Variants in PALS1 observed in about 807,000 individuals in gnomAD.
PALS1 encodes the protein protein associated with LIN7 1, MAGUK p55 family member.
A neutral mutation model predicts 78.9 loss-of-function variants in PALS1; 31 were observed. That is an observed-to-expected ratio of 0.39 (90% CI 0.30 to 0.53). The LOEUF is 0.53. PALS1 is among the 20% of genes least tolerant of loss of function. The probability of loss-of-function intolerance (pLI) is 0.67; values close to 1 mark genes in which losing one functional copy is unlikely to be tolerated. For synonymous variants in PALS1, 276 were observed against 270.9 expected (o/e 1.02, Z -0.18); for missense variants, 704 against 826.5 (o/e 0.85, Z 1.82).
intron 14 of PALS1, among the ~76,000 whole-genome samples, chr14:67,328,714 G>C (rs1350623296): frequency 2.0e-5 from 3 of 152,146 alleles, no homozygotes; most frequent in African/African-American, 7.2e-5. Context: ...AGTTTTCCCA[G>C]CACCATTTAT....
At chr14:67,287,839 A>C (rs570984019) in intron 3 of PALS1, among the ~76,000 whole-genome samples, 1 of 152,362 alleles carries the variant, frequency 6.6e-6, no homozygotes, top group Non-Finnish European at 1.5e-5. Flanking sequence ...GAAAGGTAGA[A>C]GTACAGGTAA....
intron 1 of PALS1, among the ~76,000 whole-genome samples, chr14:67,266,193 T>C (rs1413830235): frequency 6.6e-6 from 1 of 152,176 alleles, no homozygotes; most frequent in Non-Finnish European, 1.5e-5. Flanking sequence ...AATATATATT[T>C]ATTTAAAAGT....
chr14:67,302,031 A>T lies in PALS1; in HGVS notation c.714A>T (p.Thr238=). The change falls in exon 6 of 15, where the codon ACA becomes ACT. Residue 238 remains threonine (T), a synonymous_variant. Coordinates refer to ENST00000261681, the MANE Select transcript of PALS1 (RefSeq NM_022474.4). Reference sequence around the variant, plus strand: ...AGGAAATGCAGCTAGAGCCCATTACAGATGAGAGAGTTTATGAAAGTATTG... The same window carrying T: ...AGGAAATGCAGCTAGAGCCCATTACTGATGAGAGAGTTTATGAAAGTATTG... ...AEQEMQLEPI[T]DERVYESIGQ... 6.2e-7 allele frequency: 1 copy of T among 1,611,662 alleles called. No homozygotes were observed. Among genetic ancestry groups the T allele is most frequent in the Non-Finnish European group, 8.5e-7 (1 of 1,178,846 alleles).
intron 1 of PALS1, among the ~76,000 whole-genome samples, chr14:67,266,878 G>A (rs1265112490): frequency 6.6e-6 from 1 of 152,038 alleles, no homozygotes; most frequent in East Asian, 2.0e-4. Flanking sequence ...GGGAGGCCGA[G>A]GTGGACAGAT....
chr14:67,279,675 G>A (rs748034413), intron 3 of PALS1, 138 bp downstream of exon 3: 5 of 804,808 alleles, frequency 6.2e-6, no homozygotes, highest in South Asian at 2.9e-5. Context: ...CTTTGTTTTC[G>A]TGGAAACGCC....
At position 67,334,317 on chromosome 14, in the gene PALS1, A is replaced by AACTT. The variant is rs1649164019; in HGVS notation, c.*1363_*1366dup. 1 of 152,622 alleles carries AACTT rather than the reference A, an allele frequency of 6.6e-6. No individual in the cohort carries two copies. Among genetic ancestry groups the AACTT allele is most frequent in the African/African-American group, 2.4e-5 (1 of 41,446 alleles). 9.5% of individuals were successfully genotyped at this position (152,622 alleles called of 1,614,324 possible). A position where few individuals can be genotyped will look rare whatever the true frequency, so the allele number is the denominator to read the frequency against. On this transcript the variant is annotated 3_prime_UTR_variant, in exon 15 of 15. Coordinates refer to ENST00000261681, the MANE Select transcript of PALS1 (RefSeq NM_022474.4). ...ATTCAACGTATATAATTGGCATGGA[A>AACTT]ACTTAATTTGCAGTCTTTTCAAGCC...
rs775835465 is a variant in PALS1, at chr14:67,312,527, A to G, written c.1042A>G (p.Ile348Val). Residue 348 changes from isoleucine to valine, a missense_variant and splice_region_variant, in exon 9 of 15, where the codon ATC (isoleucine) becomes GTC (valine). Physicochemically the swap from Ile to Val is conservative, Grantham distance 29 (BLOSUM62 3). Coordinates refer to ENST00000261681, the MANE Select transcript of PALS1 (RefSeq NM_022474.4). ...TGTTTTTGCCCTTTTTATCTTTTAG[A>G]TCCATGTAAAAGCTCATTTTGACTA... ...IKPPPAKETV[I>V]HVKAHFDYDP... 6.4e-6 allele frequency: 10 copies of G among 1,566,106 alleles called. No homozygotes were observed. The Admixed American group carries it at 1.6e-4, about 25-fold the overall frequency.
Position 67,314,520 on chromosome 14 carries a change from C to T in PALS1, c.1225+1810C>T, listed in dbSNP as rs145245191. On this transcript the variant is annotated intron_variant, in intron 9 of 14. Coordinates refer to ENST00000261681, the MANE Select transcript of PALS1 (RefSeq NM_022474.4). ...GAGTATGATGCTAAAACCCGTGATT[C>T]TTCAGAGTAACAGTTACAGGACATT... Among the ~76,000 whole-genome samples the T allele has an allele frequency of 1.1e-3, 170 of 152,274 alleles. 1 individual carries two copies. The highest frequency in any genetic ancestry group is 3.7e-3 in the African/African-American group (155 of 41,566).
rs1491090879 is a variant in PALS1, at chr14:67,289,768, C to CTT, written c.368-2743_368-2742insTT. Among the ~76,000 whole-genome samples the CTT allele has an allele frequency of 8.6e-3, 825 of 95,376 alleles. 50 individuals are homozygous for CTT. Among genetic ancestry groups the CTT allele is most frequent in the Non-Finnish European group, 0.011 (502 of 46,790 alleles). 62.6% of individuals were successfully genotyped at this position (95,376 alleles called of 152,430 possible). On this transcript the variant is annotated intron_variant, in intron 3 of 14. Transcript: ENST00000261681. Reference sequence around the variant, plus strand: ...ACATTGGGAAGATTTTTTTCCATGTCCTTTTTTTTTTTTTTTTTTTTTGAG... The same window carrying CTT: ...ACATTGGGAAGATTTTTTTCCATGTCTTCTTTTTTTTTTTTTTTTTTTTTGAG...
intron 4 of PALS1, among the ~76,000 whole-genome samples, chr14:67,299,671 A>G (rs1293890035): frequency 6.6e-6 from 1 of 152,202 alleles, no homozygotes; most frequent in African/African-American, 2.4e-5. Flanking sequence ...AGCTGATGAT[A>G]TGTGTTGACA....
chr14:67,243,174 T>C (rs1199140969), intron 1 of PALS1, among the ~76,000 whole-genome samples: 1 of 152,112 alleles, frequency 6.6e-6, no homozygotes, highest in African/African-American at 2.4e-5. Flanking sequence ...TGTGCTTATA[T>C]AGAATATAAT....
chr14:67,332,785 A>G lies in PALS1; in HGVS notation c.1857A>G (p.Glu619=), dbSNP rs776636909. 1 of 1,608,144 alleles carries G rather than the reference A, an allele frequency of 6.2e-7. No homozygotes were observed. Among genetic ancestry groups the G allele is most frequent in the Non-Finnish European group, 8.5e-7 (1 of 1,175,658 alleles). The change falls in exon 15 of 15, where the codon GAA becomes GAG. Residue 619 remains glutamate, a synonymous_variant. Transcript: ENST00000261681. Reference sequence around the variant, plus strand: ...TTTTTATCTTCTGTTTGCAGCCTGAAGAGTTGAGAGAAATCATTGAGAAGA... The same window carrying G: ...TTTTTATCTTCTGTTTGCAGCCTGAGGAGTTGAGAGAAATCATTGAGAAGA... The part of the protein sequence containing the change: ...LAKEGKNPKP[E]ELREIIEKTR...
chr14:67,317,769 G>A (rs1479434771), intron 11 of PALS1, among the ~76,000 whole-genome samples: 1 of 152,156 alleles, frequency 6.6e-6, no homozygotes, highest in African/African-American at 2.4e-5. Context: ...GAACATACTT[G>A]AAGTAAAAAC....
At chr14:67,314,550 T>C (rs77424708) in intron 9 of PALS1, among the ~76,000 whole-genome samples, 2 of 152,340 alleles carry the variant, frequency 1.3e-5, no homozygotes, top group East Asian at 3.9e-4. Flanking sequence ...GACATTTCTC[T>C]AGAATCTTGG....
chr14:67,273,793 G>GA (rs1390109540), intron 2 of PALS1, among the ~76,000 whole-genome samples: 1 of 152,022 alleles, frequency 6.6e-6, no homozygotes, highest in Non-Finnish European at 1.5e-5. Flanking sequence ...TGTTGTTTCC[G>GA]ACTTTTTAAT....
At position 67,320,354 on chromosome 14, in the gene PALS1, G is replaced by C. The variant is rs200780431; in HGVS notation, c.1494G>C (p.Arg498Ser). The C allele has an allele frequency of 9.1e-5, 147 of 1,612,000 alleles. No individual in the cohort carries two copies. Among genetic ancestry groups the C allele is most frequent in the Non-Finnish European group, 1.2e-4 (142 of 1,179,314 alleles). ...GTGGCCAGAATGAATTGCGTCAGAG[G>C]CTCATGAACAAAGAAAAGGACCGCT... The part of the protein sequence containing the change: ...QNCGQNELRQ[R>S]LMNKEKDRFA... Residue 498 changes from arginine (R) to serine (S), a missense_variant, in exon 12 of 15, where the codon AGG becomes AGC. Transcript: ENST00000261681.
chr14:67,320,214 CT>C lies in PALS1; in HGVS notation c.1370-8del, dbSNP rs755721654. 51 of 1,597,764 alleles carry C rather than the reference CT, an allele frequency of 3.2e-5. No homozygotes were observed. The African/African-American group carries it at 5.2e-4, about 16-fold the overall frequency. On this transcript the variant is annotated splice_polypyrimidine_tract_variant and intron_variant, in intron 11 of 14. Coordinates refer to ENST00000261681, the MANE Select transcript of PALS1 (RefSeq NM_022474.4). ...CCATAATTTTGTTTGAAGAGCTTAA[CT>C]TTTTTTTCCCAAAGATTATGACAAC...
chr14:67,328,199 T>C (rs1026601609), intron 14 of PALS1, among the ~76,000 whole-genome samples: 4 of 152,214 alleles, frequency 2.6e-5, no homozygotes, highest in South Asian at 2.1e-4. Flanking sequence ...TGGTATCTCA[T>C]TGTGGTTTTG....
intron 3 of PALS1, among the ~76,000 whole-genome samples, chr14:67,283,188 C>T (rs986477273): frequency 2.6e-5 from 4 of 151,918 alleles, no homozygotes; most frequent in Admixed American, 2.0e-4. Flanking sequence ...GGAAGAAAAC[C>T]GGGATGAATA....
Sources: gnomAD v4.1 joint callset for allele counts (sites outside exome capture counted in the v4.1 genomes callset) on GRCh38, gnomAD v4.1.1 for gene constraint, MANE v1.5 for transcripts, NCBI Gene and HGNC (gene_info 2026-07-23, HGNC 2026-07-21) for gene names.